Variants in SPINDOC observed in about 807,000 individuals in gnomAD.
SPINDOC encodes the protein spindlin interactor and repressor of chromatin binding, also known as spindlin interactor and repressor of chromatin-binding protein.
In SPINDOC, 13 loss-of-function variants were observed where a neutral mutation model predicts 30.7. That is an observed-to-expected ratio of 0.42 (90% CI 0.28 to 0.67). SPINDOC has a LOEUF of 0.67. Among genes scored for constraint, SPINDOC ranks in the 30% least tolerant of loss-of-function variants. The pLI, the probability that SPINDOC is intolerant of heterozygous loss-of-function variation, is 0.22. For missense variants in SPINDOC, 438 were observed against 518.0 expected, an observed-to-expected ratio of 0.85 and a Z score of 1.50; for synonymous variants, 228 against 211.4, an observed-to-expected ratio of 1.08 and a Z score of -0.68.
At chr11:63,825,168 T>G (rs2015624028) in intron 5 of SPINDOC, among the ~76,000 whole-genome samples, 1 of 152,216 alleles carries the variant, frequency 6.6e-6, no homozygotes, top group South Asian at 2.1e-4. Flanking sequence ...ATGGCCTTTC[T>G]GTGCTGCTCC....
rs906886980 is a variant in SPINDOC at position 63,817,943 on chromosome 11, C to A, written c.266C>A (p.Ala89Glu). Reference protein sequence around the residue: ...VGSSPGGSGRALCMVCGAEIR... With the variant: ...VGSSPGGSGRELCMVCGAEIR... ...AGCAGCCCAGGAGGCAGCGGGCGGGCACTGTGCATGGTGTGTGGCGCTGAG... is the reference window on the plus strand; with the variant it reads ...AGCAGCCCAGGAGGCAGCGGGCGGGAACTGTGCATGGTGTGTGGCGCTGAG... Residue 89 changes from alanine to glutamate, a missense_variant, in exon 2 of 6, where the codon GCA (alanine) becomes GAA (glutamate). By Grantham distance (107) the Ala-to-Glu change is moderately radical (BLOSUM62 -1). Around this residue, in one of 3 missense-constraint regions of SPINDOC, gnomAD observed 129 missense variants for 152.7 expected, o/e 0.84. Transcript: ENST00000294244. The A allele has an allele frequency of 6.2e-7, 1 of 1,614,140 alleles. No individual in the cohort carries two copies. The highest frequency in any genetic ancestry group is 1.3e-5 in the African/African-American group (1 of 75,060).
rs2015255056 is a variant in SPINDOC, at chr11:63,813,651, A to G, written c.-36A>G. On this transcript the variant is annotated 5_prime_UTR_variant, in exon 1 of 6. Coordinates refer to ENST00000294244, the MANE Select transcript of SPINDOC (RefSeq NM_138471.3). ...GGCTGCGCGCCGAAGCCTGCGCGCC[A>G]GTCCTCCGGCCACTGCTATCGCCCA... 4.0e-6 allele frequency: 6 copies of G among 1,501,868 alleles called. No individual in the cohort carries two copies. Among genetic ancestry groups the G allele is most frequent in the Non-Finnish European group, 5.3e-6 (6 of 1,126,032 alleles). The allele number at this position is 1,501,868 out of a possible 1,614,324, so 93.0% of individuals were successfully genotyped here.
chr11:63,815,606 A>G (rs2015318196), intron 1 of SPINDOC, among the ~76,000 whole-genome samples: 1 of 152,194 alleles, frequency 6.6e-6, no homozygotes, highest in Admixed American at 6.5e-5. Context: ...AAGGAAGTAG[A>G]GAAGTGTCTA....
At chr11:63,822,605 T>G (rs1465563079) in intron 5 of SPINDOC, 1 of 1,289,098 alleles carries the variant, frequency 7.8e-7, no homozygotes, top group Non-Finnish European at 1.0e-6. Context: ...CCCCTTCACG[T>G]AGATCACAGT....
intron 1 of SPINDOC, among the ~76,000 whole-genome samples, 186 bp downstream of exon 1, chr11:63,813,999 A>G (rs1184699563): frequency 1.3e-5 from 2 of 152,088 alleles, no homozygotes; most frequent in South Asian, 2.1e-4. Flanking sequence ...TTAGAAGCTC[A>G]GGCCTCCTCG....
intron 5 of SPINDOC, among the ~76,000 whole-genome samples, chr11:63,819,831 G>GAATT (rs2015461088): frequency 6.6e-6 from 1 of 152,140 alleles, no homozygotes; most frequent in African/African-American, 2.4e-5. Context: ...TTGTTTCCTG[G>GAATT]AATTGGTCAC....
At chr11:63,821,379 C>G (rs896173139) in intron 5 of SPINDOC, among the ~76,000 whole-genome samples, 11 of 152,176 alleles carry the variant, frequency 7.2e-5, no homozygotes, top group African/African-American at 2.7e-4. Context: ...CTTTTTGAGT[C>G]CGCTGATGAG....
Position 63,827,118 on chromosome 11 carries a change from G to T in SPINDOC, c.1125G>T (p.Pro375=), listed in dbSNP as rs764895479. ...CCAGCACCACTGTGGCAGGGAAGCCGGAAAAAGGGAATGGAGTGTAAATTC... is the reference window on the plus strand; with the variant it reads ...CCAGCACCACTGTGGCAGGGAAGCCTGAAAAAGGGAATGGAGTGTAAATTC... The part of the protein sequence containing the change: ...SESSTTVAGK[P]EKGNGV The change falls in exon 6 of 6, where the codon CCG becomes CCT. Residue 375 remains proline, a synonymous_variant. Transcript: ENST00000294244. 1.9e-6 allele frequency: 3 copies of T among 1,610,432 alleles called. No individual in the cohort carries two copies. Among genetic ancestry groups the T allele is most frequent in the Non-Finnish European group, 2.5e-6 (3 of 1,177,978 alleles).
Position 63,818,408 on chromosome 11 carries a change from G to C in SPINDOC, c.607+43G>C. ...CCAGTGAGCCCCGGTGGAGGTGGGG[G>C]TTTGGGGACAGGGTGAAATACAGGC... On this transcript the variant is annotated intron_variant, in intron 3 of 5. Transcript: ENST00000294244. The surrounding 1 kb of genome is among the most constrained non-coding windows in gnomAD (Gnocchi z 5.3). 1.2e-6 allele frequency: 2 copies of C among 1,609,748 alleles called. No homozygotes were observed. The highest frequency in any genetic ancestry group is 1.7e-6 in the Non-Finnish European group (2 of 1,178,016).
intron 5 of SPINDOC, chr11:63,823,058 G>A (rs1428238469): frequency 5.3e-6 from 6 of 1,125,136 alleles, no homozygotes; most frequent in Middle Eastern, 2.4e-4. Flanking sequence ...AGTGTTCCTG[G>A]AGCCTGTGCC....
At position 63,818,614 on chromosome 11, in the gene SPINDOC, G is replaced by C; in HGVS notation, c.695G>C (p.Arg232Thr). The change falls in exon 4 of 6, where the codon AGA becomes ACA. Residue 232 changes from arginine to threonine, a missense_variant. Arg to Thr is a moderately conservative substitution (Grantham distance 71). Transcript: ENST00000294244. This position sits in a 1 kb window ranked among gnomAD's most constrained non-coding sequence, Gnocchi z 5.3. ...GGGGAAGAGCCAGTCAGAAAGAAAA[G>C]AGGCAGACCTATGACCAAAAACCTG... ...PPGEEPVRKK[R>T]GRPMTKNLDP... 1 of 1,613,778 alleles carries C rather than the reference G, an allele frequency of 6.2e-7. No homozygotes were observed. Among genetic ancestry groups the C allele is most frequent in the Non-Finnish European group, 8.5e-7 (1 of 1,180,028 alleles).
chr11:63,823,142 G>A, intron 5 of SPINDOC: 1 of 1,289,050 alleles, frequency 7.8e-7, no homozygotes, highest in South Asian at 1.2e-5. Flanking sequence ...CAGGTATATA[G>A]GCTGGAGGCA....
chr11:63,818,716 G>A lies in SPINDOC; in HGVS notation c.733+64G>A. The A allele has an allele frequency of 1.2e-6, 2 of 1,611,848 alleles. No individual in the cohort carries two copies. Among genetic ancestry groups the A allele is most frequent in the African/African-American group, 1.3e-5 (1 of 74,918 alleles). ...CAGTGCTCTGAGGAAATCCGCATCAGTGAGGATGGAGCAGGGCCTGGGCGC... is the reference window on the plus strand; with the variant it reads ...CAGTGCTCTGAGGAAATCCGCATCAATGAGGATGGAGCAGGGCCTGGGCGC... On this transcript the variant is annotated intron_variant, in intron 4 of 5. Transcript: ENST00000294244. This position sits in a 1 kb window ranked among gnomAD's most constrained non-coding sequence, Gnocchi z 5.3.
intron 1 of SPINDOC, among the ~76,000 whole-genome samples, chr11:63,814,428 G>A (rs2015284946): frequency 6.6e-6 from 1 of 152,162 alleles, no homozygotes; most frequent in South Asian, 2.1e-4. Context: ...GTTTGGAAAA[G>A]CAGTGCAGTG....
chr11:63,823,892 C>T (rs140835014), intron 5 of SPINDOC, among the ~76,000 whole-genome samples: 4,282 of 150,614 alleles, frequency 0.028, 98 homozygotes, highest in Non-Finnish European at 0.041. Flanking sequence ...GCCACTGCAC[C>T]TGGCCTGTTT....
At position 63,827,409 on chromosome 11, in the gene SPINDOC, A is replaced by G; in HGVS notation, c.*270A>G. 2 of 539,008 alleles carry G rather than the reference A, an allele frequency of 3.7e-6. No homozygotes were observed. The highest frequency in any genetic ancestry group is 5.2e-4 in the Middle Eastern group (1 of 1,934). The allele number at this position is 539,008 out of a possible 1,614,324, so 33.4% of individuals were successfully genotyped here. On this transcript the variant is annotated 3_prime_UTR_variant, in exon 6 of 6. Transcript: ENST00000294244. ...CTACCCCAGTCCTTCGCTGACCCCC[A>G]CCTCTGTTTGTCCCCCATGACCTCC...
intron 5 of SPINDOC, among the ~76,000 whole-genome samples, chr11:63,825,139 T>G (rs555938918): frequency 1.3e-5 from 2 of 152,314 alleles, no homozygotes; most frequent in South Asian, 4.1e-4. Context: ...ACAAGTCAGA[T>G]CCAGTCACTC....
rs1395139971 is a variant in SPINDOC, at chr11:63,818,832, C to G, written c.764C>G (p.Thr255Ser). The G allele has an allele frequency of 3.7e-6, 6 of 1,613,908 alleles. No homozygotes were observed. The South Asian group carries it at 5.5e-5, about 15-fold the overall frequency. The change falls in exon 5 of 6, where the codon ACT (threonine) becomes AGT (serine). Residue 255 changes from threonine (T) to serine (S), a missense_variant. Transcript: ENST00000294244. This position sits in a 1 kb window ranked among gnomAD's most constrained non-coding sequence, Gnocchi z 5.3. ...EPPSPDSPTE[T>S]FAAPAEVRHF... ...CCATCGCCAGACTCGCCCACGGAGA[C>G]TTTCGCAGCACCAGCCGAGGTCCGA... is the stretch of plus-strand genomic sequence containing the variant.
chr11:63,813,679 G>T lies in SPINDOC; in HGVS notation c.-8G>T. On this transcript the variant is annotated 5_prime_UTR_variant, in exon 1 of 6. Coordinates refer to ENST00000294244, the MANE Select transcript of SPINDOC (RefSeq NM_138471.3). Reference sequence around the variant, plus strand: ...CCTCCGGCCACTGCTATCGCCCACGGCCGCACCATGGCCCTAAAGGCCGAG... The same window carrying T: ...CCTCCGGCCACTGCTATCGCCCACGTCCGCACCATGGCCCTAAAGGCCGAG... 6.4e-7 allele frequency: 1 copy of T among 1,554,918 alleles called. No homozygotes were observed.
Sources: allele counts gnomAD v4.1 joint callset (sites outside exome capture counted in the v4.1 genomes callset), GRCh38; gene constraint gnomAD v4.1.1; regional missense constraint gnomAD v4.1.1; non-coding constraint Gnocchi (gnomAD v3.1); transcripts MANE v1.5; gene names NCBI Gene and HGNC (gene_info 2026-07-23, HGNC 2026-07-21).